Variants in DNTTIP1 observed in about 807,000 individuals in gnomAD.
DNTTIP1 encodes the protein deoxynucleotidyltransferase terminal interacting protein 1.
DNTTIP1 carries 22 observed loss-of-function variants against 52.9 expected under a neutral mutation model. The ratio of observed to expected loss-of-function variants is 0.42; its 90% CI spans 0.30 to 0.59. The LOEUF (loss-of-function observed/expected upper bound fraction) is 0.59, where lower values mean the gene tolerates loss of function less well. Among genes scored for constraint, DNTTIP1 ranks in the 20% least tolerant of loss-of-function variants. The pLI, the probability that DNTTIP1 is intolerant of heterozygous loss-of-function variation, is 0.22. For synonymous variants in DNTTIP1, 136 were observed against 155.1 expected (o/e 0.88, Z 0.92); for missense variants, 286 against 435.5 (o/e 0.66, Z 3.06).
In DNTTIP1 at chr20:45,811,104, C is replaced by G; in HGVS notation, c.899C>G (p.Pro300Arg). The G allele has an allele frequency of 1.2e-6, 2 of 1,614,120 alleles. No individual in the cohort carries two copies. The highest frequency in any genetic ancestry group is 1.7e-6 in the Non-Finnish European group (2 of 1,179,998). The part of the protein sequence containing the change: ...KLEELKSFVL[P>R]SWMVEKMRKY... ...GAGGAATTGAAATCCTTTGTCCTACCCTCCTGGATGGTGGAGAAGATGAGA... is the reference window on the plus strand; with the variant it reads ...GAGGAATTGAAATCCTTTGTCCTACGCTCCTGGATGGTGGAGAAGATGAGA... Residue 300 changes from proline (P) to arginine (R), a missense_variant, in exon 13 of 13, where the codon CCC (proline) becomes CGC (arginine). By Grantham distance (103) the Pro-to-Arg change is moderately radical. Around this residue, in one of 2 missense-constraint regions of DNTTIP1, gnomAD observed 78 missense variants for 169.0 expected, o/e 0.46. Coordinates refer to ENST00000372622, the MANE Select transcript of DNTTIP1 (RefSeq NM_052951.3).
intron 3 of DNTTIP1, among the ~76,000 whole-genome samples, chr20:45,794,224 C>T (rs1981151604): frequency 6.6e-6 from 1 of 152,190 alleles, no homozygotes; most frequent in African/African-American, 2.4e-5. Flanking sequence ...TATCGATTCA[C>T]CGCAACCTCC....
At chr20:45,800,679 TAAA>T (rs144859982) in intron 4 of DNTTIP1, among the ~76,000 whole-genome samples, 934 of 14,380 alleles carry the variant, frequency 0.065, 40 homozygotes, top group Middle Eastern at 0.25. Flanking sequence ...CATCTCAATT[TAAA>T]AAAAAAAAAA....
At chr20:45,801,949 A>G (rs1315962645) in intron 6 of DNTTIP1, 50 bp from the exon 7 acceptor site, 2 of 1,574,234 alleles carry the variant, frequency 1.3e-6, no homozygotes, top group Admixed American at 3.3e-5. Flanking sequence ...CCAATGGGGT[A>G]TGGGGAGTAA....
intron 7 of DNTTIP1, 164 bp from the exon 8 acceptor site, chr20:45,803,169 A>G (rs947296589): frequency 6.2e-6 from 4 of 641,348 alleles, no homozygotes; most frequent in African/African-American, 1.8e-5. Context: ...CTTCTAGTCC[A>G]GTGCTTTTTT....
Position 45,801,967 on chromosome 20 carries a change from G to A in DNTTIP1, c.499-32G>A, listed in dbSNP as rs779805577. On this transcript the variant is annotated intron_variant, in intron 6 of 12. Coordinates refer to ENST00000372622, the MANE Select transcript of DNTTIP1 (RefSeq NM_052951.3). ...ATGGGGTATGGGGAGTAACCACAGG[G>A]TCAGACCTCTGACAGCTGTTTTTTG... 3 of 1,613,178 alleles carry A rather than the reference G, an allele frequency of 1.9e-6. No homozygotes were observed. In the Admixed American group the frequency reaches 5.0e-5, roughly 27 times the overall value.
intron 10 of DNTTIP1, among the ~76,000 whole-genome samples, chr20:45,808,503 G>A (rs1981721624): frequency 6.6e-6 from 1 of 152,082 alleles, no homozygotes; most frequent in African/African-American, 2.4e-5. Context: ...AGCCGGGCGT[G>A]GTGGCGCATG....
chr20:45,810,813 G>A, intron 11 of DNTTIP1, 72 bp from the exon 12 acceptor site: 1 of 1,425,678 alleles, frequency 7.0e-7, no homozygotes, highest in Non-Finnish European at 9.9e-7. Context: ...TTAAACAGAT[G>A]TTTAATGAAG....
At chr20:45,797,389 C>T (rs1426991657) in intron 4 of DNTTIP1, among the ~76,000 whole-genome samples, 1 of 151,944 alleles carries the variant, frequency 6.6e-6, no homozygotes, top group East Asian at 1.9e-4. Context: ...TAGAAGAAAA[C>T]CTAGGCAATA....
chr20:45,802,187 GT>G (rs1243769293), intron 7 of DNTTIP1, 130 bp downstream of exon 7: 2 of 989,122 alleles, frequency 2.0e-6, no homozygotes, highest in African/African-American at 3.2e-5. Context: ...GTGGAGGGGG[GT>G]TATCCTGGTT....
intron 2 of DNTTIP1, among the ~76,000 whole-genome samples, chr20:45,793,598 G>T (rs1372109036): frequency 6.6e-6 from 1 of 152,168 alleles, no homozygotes; most frequent in Non-Finnish European, 1.5e-5. Flanking sequence ...TACTAAGGAG[G>T]CTGAGGCAGG....
At chr20:45,796,149 T>C (rs1477940203) in intron 4 of DNTTIP1, among the ~76,000 whole-genome samples, 2 of 152,168 alleles carry the variant, frequency 1.3e-5, no homozygotes, top group Non-Finnish European at 2.9e-5. Flanking sequence ...GGCAATCTGA[T>C]GTACAGCATG....
chr20:45,800,796 C>T (rs184593418), intron 4 of DNTTIP1, among the ~76,000 whole-genome samples: 1 of 137,498 alleles, frequency 7.3e-6, no homozygotes, highest in Non-Finnish European at 1.5e-5. Flanking sequence ...GAGTTCAAGA[C>T]CAGCCTGTCC....
chr20:45,792,619 C>T (rs1168277283), intron 1 of DNTTIP1, 58 bp from the exon 2 acceptor site: 1 of 1,409,002 alleles, frequency 7.1e-7, no homozygotes, highest in East Asian at 2.5e-5. Context: ...CACCCTCCAC[C>T]TCCACCCCAC....
chr20:45,800,733 ATATATATATATATATATATATAT>A (rs1981435007), intron 4 of DNTTIP1, among the ~76,000 whole-genome samples: 4 of 56,322 alleles, frequency 7.1e-5, no homozygotes, highest in African/African-American at 2.2e-4. Flanking sequence ...ATATATATAT[ATATATATATATATATATATATAT>A]TTGGAAGTGG....
At chr20:45,799,566 G>A (rs774403917) in intron 4 of DNTTIP1, among the ~76,000 whole-genome samples, 8 of 152,160 alleles carry the variant, frequency 5.3e-5, no homozygotes, top group Non-Finnish European at 1.0e-4. Flanking sequence ...CAACTCAGAG[G>A]CCACCTTCTG....
At chr20:45,798,656 C>T (rs185253683) in intron 4 of DNTTIP1, among the ~76,000 whole-genome samples, 30 of 152,192 alleles carry the variant, frequency 2.0e-4, no homozygotes, top group Non-Finnish European at 4.1e-4. Flanking sequence ...GTTCTTAGTA[C>T]CTGGGGTACT....
rs1711198 is a variant in DNTTIP1 at position 45,798,659 on chromosome 20, G to A, written c.373-2415G>A. On this transcript the variant is annotated intron_variant, in intron 4 of 12. Coordinates refer to ENST00000372622, the MANE Select transcript of DNTTIP1 (RefSeq NM_052951.3). ...ATTTCACTTGCTGTTCTTAGTACCT[G>A]GGGTACTCTACCCTTAACTCTATAA... Among the ~76,000 whole-genome samples, 555 of 152,140 alleles carry A rather than the reference G, an allele frequency of 3.6e-3. 7 individuals are homozygous for A. The highest frequency in any genetic ancestry group is 0.013 in the African/African-American group (528 of 41,514).
rs1490211552 is a variant in DNTTIP1, at chr20:45,792,022, C to T, written c.18C>T (p.Asp6=). 1.5e-5 allele frequency: 19 copies of T among 1,269,214 alleles called. No homozygotes were observed. The highest frequency in any genetic ancestry group is 1.9e-5 in the Non-Finnish European group (19 of 1,006,510). The allele number at this position is 1,269,214 out of a possible 1,614,324, so 78.6% of individuals were successfully genotyped here. Residue 6 remains aspartate (D), a synonymous_variant, in exon 1 of 13, where the codon GAC becomes GAT. Coordinates refer to ENST00000372622, the MANE Select transcript of DNTTIP1 (RefSeq NM_052951.3). The part of the protein sequence containing the change: MGATG[D]AEQPRGPSGA... ...GGGGCGCCATGGGAGCCACTGGCGA[C>T]GCCGAGCAGCCGCGGGGACCTAGCG...
rs752890673 is a variant in DNTTIP1, at chr20:45,810,912, C to T, written c.823C>T (p.Arg275Trp). 8 of 1,614,070 alleles carry T rather than the reference C, an allele frequency of 5.0e-6. No individual in the cohort carries two copies. Among genetic ancestry groups the T allele is most frequent in the Non-Finnish European group, 6.8e-6 (8 of 1,180,040 alleles). ...MAYLLIEEDI[R>W]DLAASDDYRG... Reference sequence around the variant, plus strand: ...CTACCTCCTCATCGAGGAGGACATCCGGGACCTTGCGGCCAGTGATGATTA... The same window carrying T: ...CTACCTCCTCATCGAGGAGGACATCTGGGACCTTGCGGCCAGTGATGATTA... Residue 275 changes from arginine (R) to tryptophan (W), a missense_variant, in exon 12 of 13, where the codon CGG becomes TGG. This residue lies in a region of DNTTIP1 where 78 missense variants were observed against 169.0 expected (regional missense o/e 0.46). Coordinates refer to ENST00000372622, the MANE Select transcript of DNTTIP1 (RefSeq NM_052951.3).
Sources: gnomAD v4.1 joint callset for allele counts (sites outside exome capture counted in the v4.1 genomes callset) on GRCh38, gnomAD v4.1.1 for gene constraint, gnomAD v4.1.1 regional missense constraint, MANE v1.5 for transcripts, NCBI Gene and HGNC (gene_info 2026-07-23, HGNC 2026-07-21) for gene names.